ZNF215: variants seen among roughly 807,000 people sequenced by gnomAD.
ZNF215 encodes the protein zinc finger protein 215, also known as BWSCR2-associated zinc finger protein 2.
In ZNF215, 24 loss-of-function variants were observed where a neutral mutation model predicts 27.2. The observed-to-expected ratio is 0.88, with a 90% CI of 0.64 to 1.24. The LOEUF (loss-of-function observed/expected upper bound fraction) is 1.24, where lower values mean the gene tolerates loss of function less well. Among genes scored for constraint, ZNF215 ranks in the 50% most tolerant of loss-of-function variants. The probability of loss-of-function intolerance (pLI) is 0.00; values close to 1 mark genes in which losing one functional copy is unlikely to be tolerated. For missense variants in ZNF215, 675 were observed against 605.7 expected (o/e 1.11, Z -1.20); for synonymous variants, 210 against 204.0 (o/e 1.03, Z -0.25).
chr11:6,942,542 T>A (rs1849664820), intron 4 of ZNF215, among the ~76,000 whole-genome samples: 2 of 152,300 alleles, frequency 1.3e-5, no homozygotes, highest in African/African-American at 4.8e-5. Context: ...CAGTAGTAAC[T>A]GATTAGTAGG....
intron 6 of ZNF215, among the ~76,000 whole-genome samples, chr11:6,947,620 GATTT>G (rs1300672817): frequency 1.3e-5 from 2 of 152,138 alleles, no homozygotes; most frequent in Non-Finnish European, 2.9e-5. Context: ...GAGTAACAAA[GATTT>G]AATTAGGGAA....
chr11:6,978,376 T>G (rs1312972662), intron 5 of ZNF215, among the ~76,000 whole-genome samples: 1 of 151,972 alleles, frequency 6.6e-6, no homozygotes, highest in Non-Finnish European at 1.5e-5. Flanking sequence ...TGGGAAACAT[T>G]TAGAACAGAG....
At chr11:6,952,469 A>T (rs986490810) in intron 6 of ZNF215, among the ~76,000 whole-genome samples, 2 of 152,016 alleles carry the variant, frequency 1.3e-5, no homozygotes, top group African/African-American at 4.8e-5. Context: ...TGTTGAATTG[A>T]TCCTTTTACC....
At chr11:6,981,855 T>C (rs1850959826) in intron 5 of ZNF215, among the ~76,000 whole-genome samples, 1 of 152,016 alleles carries the variant, frequency 6.6e-6, no homozygotes, top group African/African-American at 2.4e-5. Context: ...GCACCATTTA[T>C]TAAATGGGGA....
intron 6 of ZNF215, among the ~76,000 whole-genome samples, chr11:6,955,474 G>A (rs1362806869): frequency 6.6e-6 from 1 of 151,990 alleles, no homozygotes; most frequent in Non-Finnish European, 1.5e-5. Context: ...CGTTTTTTTA[G>A]TATTCCAGAA....
At chr11:6,966,907 T>A (rs974553334) in intron 5 of ZNF215, among the ~76,000 whole-genome samples, 3 of 151,982 alleles carry the variant, frequency 2.0e-5, no homozygotes, top group African/African-American at 7.2e-5. Flanking sequence ...GTTTGCTGCA[T>A]CCATCAACTC....
At chr11:6,940,094 A>G (rs1445620056) in intron 3 of ZNF215, among the ~76,000 whole-genome samples, 1 of 151,698 alleles carries the variant, frequency 6.6e-6, no homozygotes, top group African/African-American at 2.4e-5. Context: ...TTATCCAAGT[A>G]TGGTGGCACA....
At chr11:6,951,240 G>T (rs1437409905) in intron 6 of ZNF215, among the ~76,000 whole-genome samples, 1 of 151,964 alleles carries the variant, frequency 6.6e-6, no homozygotes, top group Non-Finnish European at 1.5e-5. Context: ...GGATGATGCT[G>T]GCCTCATAAA....
At chr11:6,974,601 C>G (rs1290280374) in intron 5 of ZNF215, among the ~76,000 whole-genome samples, 1 of 152,014 alleles carries the variant, frequency 6.6e-6, no homozygotes, top group Admixed American at 6.6e-5. Context: ...TTGAAGAGGT[C>G]CTTCACATCC....
intron 3 of ZNF215, among the ~76,000 whole-genome samples, chr11:6,938,421 G>A (rs1458979176): frequency 1.3e-5 from 2 of 152,126 alleles, no homozygotes; most frequent in African/African-American, 4.8e-5. Context: ...AAACACTTTG[G>A]TGGTTCCTCA....
intron 5 of ZNF215, among the ~76,000 whole-genome samples, chr11:6,970,420 A>G (rs1258243143): frequency 6.6e-6 from 1 of 152,216 alleles, no homozygotes; most frequent in Non-Finnish European, 1.5e-5. Context: ...CAAGTGGGGA[A>G]AATTGAACAT....
At chr11:6,982,831 C>G (rs1311186201) in intron 5 of ZNF215, among the ~76,000 whole-genome samples, 1 of 152,088 alleles carries the variant, frequency 6.6e-6, no homozygotes, top group East Asian at 1.9e-4. Flanking sequence ...GACACCCTAA[C>G]ATCACAATTA....
chr11:6,943,092 A>G lies in ZNF215; in HGVS notation c.493A>G (p.Thr165Ala), dbSNP rs1275904632. 1 of 1,612,266 alleles carries G rather than the reference A, an allele frequency of 6.2e-7. No individual in the cohort carries two copies. Among genetic ancestry groups the G allele is most frequent in the Non-Finnish European group, 8.5e-7 (1 of 1,179,518 alleles). Residue 165 changes from threonine (T) to alanine (A), a missense_variant, in exon 5 of 7, where the codon ACA becomes GCA. Physicochemically the swap from Thr to Ala is moderately conservative, Grantham distance 58. Coordinates refer to ENST00000278319, the MANE Select transcript of ZNF215 (RefSeq NM_013250.4). ...GAACTTAATGTTTTAGGAACCAGTG[A>G]CATTCAAAGATGTGGTTGTGGAATT... ...SRTGKPQEPV[T>A]FKDVVVEFSK...
intron 6 of ZNF215, among the ~76,000 whole-genome samples, chr11:6,953,486 C>A (rs1026474354): frequency 3.3e-5 from 5 of 152,144 alleles, no homozygotes; most frequent in African/African-American, 9.7e-5. Context: ...TCATTCATTT[C>A]ATCTTCCATC....
At chr11:6,931,851 G>GT (rs955409391) in intron 2 of ZNF215, among the ~76,000 whole-genome samples, 3 of 152,124 alleles carry the variant, frequency 2.0e-5, no homozygotes, top group African/African-American at 4.8e-5. Context: ...CAATTACGAA[G>GT]TTTTTTTAAA....
intron 5 of ZNF215, among the ~76,000 whole-genome samples, chr11:6,967,524 T>A (rs887201583): frequency 2.0e-5 from 3 of 152,250 alleles, no homozygotes; most frequent in African/African-American, 7.2e-5. Context: ...GATACCTCAT[T>A]GTGGTTTTGA....
chr11:6,948,755 AT>A (rs1247753975), intron 6 of ZNF215, among the ~76,000 whole-genome samples: 1 of 151,834 alleles, frequency 6.6e-6, no homozygotes, highest in Non-Finnish European at 1.5e-5. Flanking sequence ...TTTTATTTTT[AT>A]TTTATTATTA....
At chr11:6,959,244 G>C (rs547484639), downstream of ZNF215, among the ~76,000 whole-genome samples, 1 of 152,298 alleles carries the variant, frequency 6.6e-6, no homozygotes, top group African/African-American at 2.4e-5. Flanking sequence ...ATAAAGGGAT[G>C]AGGGCATGGC....
chr11:6,983,624 C>G (rs1018600449), intron 5 of ZNF215, among the ~76,000 whole-genome samples: 1 of 151,920 alleles, frequency 6.6e-6, no homozygotes, highest in Non-Finnish European at 1.5e-5. Flanking sequence ...TTTTTAAAAA[C>G]TAGAACATAG....
Sources: allele counts gnomAD v4.1 joint callset (sites outside exome capture counted in the v4.1 genomes callset), GRCh38; gene constraint gnomAD v4.1.1; transcripts MANE v1.5; gene names NCBI Gene and HGNC (gene_info 2026-07-23, HGNC 2026-07-21).